AUTS2: variants seen among roughly 807,000 people sequenced by gnomAD.
AUTS2 encodes activator of transcription and developmental regulator AUTS2, also known as autism susceptibility gene 2 protein.
Under a neutral mutation model 112.4 loss-of-function variants are expected in AUTS2, and 17 were observed. The ratio of observed to expected loss-of-function variants is 0.15; its 90% CI spans 0.10 to 0.23. AUTS2 has a LOEUF of 0.23. AUTS2 is among the 10% of genes least tolerant of loss of function. The pLI is 1.00. For missense variants in AUTS2, 1,510 were observed against 1,701.6 expected (o/e 0.89, Z 1.98); for synonymous variants, 751 against 702.7 (o/e 1.07, Z -1.09).
intron 2 of AUTS2, among the ~76,000 whole-genome samples, chr7:70,080,119 C>G (rs1803231411): frequency 6.6e-6 from 1 of 152,090 alleles, no homozygotes; most frequent in Non-Finnish European, 1.5e-5. Context: ...TAGCACTGTA[C>G]AAATCCAAAT....
intron 1 of AUTS2, among the ~76,000 whole-genome samples, chr7:69,886,694 T>C (rs925804198): frequency 3.3e-5 from 5 of 151,912 alleles, no homozygotes; most frequent in African/African-American, 1.2e-4. Context: ...TCTAGAACAA[T>C]GCAACCAACC....
chr7:69,627,463 C>T (rs994403544), intron 1 of AUTS2, among the ~76,000 whole-genome samples: 36 of 151,930 alleles, frequency 2.4e-4, no homozygotes, highest in African/African-American at 8.7e-4. Context: ...TGCACTCCAA[C>T]CTGGACAACA....
chr7:70,614,834 AT>A (rs1044402756), intron 5 of AUTS2, among the ~76,000 whole-genome samples: 7 of 152,182 alleles, frequency 4.6e-5, no homozygotes, highest in Middle Eastern at 3.2e-3. Context: ...CGCTGAGCAC[AT>A]TCACTTCCCC....
intron 2 of AUTS2, among the ~76,000 whole-genome samples, chr7:70,109,956 C>G (rs990243069): frequency 2.6e-5 from 4 of 152,202 alleles, no homozygotes; most frequent in African/African-American, 9.7e-5. Flanking sequence ...ACATCAAACA[C>G]TGCCTTTTAC....
intron 15 of AUTS2, 177 bp downstream of exon 15, chr7:70,781,933 A>G: frequency 1.5e-6 from 1 of 688,926 alleles, no homozygotes; most frequent in Non-Finnish European, 2.3e-6. Context: ...TCATTGATAC[A>G]CTCTCTTTCA....
At chr7:70,255,022 C>T (rs1319662019) in intron 4 of AUTS2, among the ~76,000 whole-genome samples, 1 of 151,336 alleles carries the variant, frequency 6.6e-6, no homozygotes, top group Non-Finnish European at 1.5e-5. Context: ...TTTCACCCAC[C>T]TTCAGAAATC....
chr7:70,392,858 TC>T (rs1256483899), intron 4 of AUTS2, among the ~76,000 whole-genome samples: 4 of 152,224 alleles, frequency 2.6e-5, no homozygotes, highest in Admixed American at 2.6e-4. Context: ...GTTTTCAGCT[TC>T]CTGTTTTCTA....
At chr7:69,866,609 G>A (rs553377602) in intron 1 of AUTS2, among the ~76,000 whole-genome samples, 59 of 152,272 alleles carry the variant, frequency 3.9e-4, no homozygotes, top group African/African-American at 1.4e-3. Flanking sequence ...ACTGTTGCAA[G>A]TAGTAGTTGG....
intron 1 of AUTS2, among the ~76,000 whole-genome samples, chr7:69,838,771 C>A: frequency 6.6e-6 from 1 of 152,186 alleles, no homozygotes; most frequent in East Asian, 1.9e-4. Flanking sequence ...ATAGGCCAGG[C>A]ATTGACCATG....
chr7:70,218,805 C>T (rs1021804715), intron 4 of AUTS2, among the ~76,000 whole-genome samples: 1 of 152,154 alleles, frequency 6.6e-6, no homozygotes, highest in Admixed American at 6.6e-5. Context: ...TGATAGCCAC[C>T]TGACCATCAG....
At chr7:69,689,385 C>G (rs1797211025) in intron 1 of AUTS2, among the ~76,000 whole-genome samples, 1 of 118,278 alleles carries the variant, frequency 8.5e-6, no homozygotes, top group Non-Finnish European at 1.6e-5. Context: ...GAGTCTCTCT[C>G]TGTCGCCTAG....
intron 2 of AUTS2, among the ~76,000 whole-genome samples, chr7:70,014,945 T>C (rs1010713409): frequency 6.6e-6 from 1 of 152,232 alleles, no homozygotes; most frequent in Non-Finnish European, 1.5e-5. Context: ...TCAACCACAA[T>C]ATATGCAGCA....
intron 2 of AUTS2, among the ~76,000 whole-genome samples, chr7:69,900,246 G>A (rs1794915452): frequency 6.6e-6 from 1 of 152,210 alleles, no homozygotes; most frequent in Non-Finnish European, 1.5e-5. Flanking sequence ...AGGCTTCAGT[G>A]CCTGTCAAGT....
At chr7:69,728,884 A>G (rs1439016552) in intron 1 of AUTS2, among the ~76,000 whole-genome samples, 1 of 152,062 alleles carries the variant, frequency 6.6e-6, no homozygotes, top group Non-Finnish European at 1.5e-5. Context: ...GCCAGTGTCT[A>G]CCTGCTATGG....
chr7:70,776,297 C>T (rs965968293), intron 13 of AUTS2, among the ~76,000 whole-genome samples: 1 of 152,152 alleles, frequency 6.6e-6, no homozygotes, highest in Non-Finnish European at 1.5e-5. Context: ...GATTACTTAG[C>T]AGAAATGAAG....
chr7:70,513,503 T>C (rs1799287171), intron 5 of AUTS2, among the ~76,000 whole-genome samples: 1 of 152,054 alleles, frequency 6.6e-6, no homozygotes, highest in Non-Finnish European at 1.5e-5. Flanking sequence ...ATATAATCTA[T>C]CCCCCTGTCT....
At chr7:69,809,054 C>CA (rs1291329857) in intron 1 of AUTS2, among the ~76,000 whole-genome samples, 2 of 151,940 alleles carry the variant, frequency 1.3e-5, no homozygotes, top group Non-Finnish European at 2.9e-5. Context: ...AATCAGGCCT[C>CA]ATTCCCCATC....
intron 5 of AUTS2, among the ~76,000 whole-genome samples, chr7:70,539,275 G>A (rs910557086): frequency 2.0e-5 from 3 of 152,152 alleles, no homozygotes; most frequent in African/African-American, 4.8e-5. Flanking sequence ...CCATGTTGTT[G>A]TTTGCCAGTT....
At chr7:70,101,733 A>G (rs1350508885) in intron 2 of AUTS2, among the ~76,000 whole-genome samples, 1 of 152,050 alleles carries the variant, frequency 6.6e-6, no homozygotes, top group Non-Finnish European at 1.5e-5. Context: ...AAAAATAAAA[A>G]GGTAGAGAGT....
Sources: allele counts gnomAD v4.1 joint callset (sites outside exome capture counted in the v4.1 genomes callset), GRCh38; gene constraint gnomAD v4.1.1; transcripts MANE v1.5; gene names NCBI Gene and HGNC (gene_info 2026-07-23, HGNC 2026-07-21).